MLIP: variants seen among roughly 807,000 people sequenced by gnomAD.
MLIP encodes muscular LMNA interacting protein, also known as muscular LMNA-interacting protein.
Under a neutral mutation model 84.8 loss-of-function variants are expected in MLIP, and 79 were observed. The observed-to-expected ratio is 0.93, with a 90% CI of 0.78 to 1.12. The LOEUF (loss-of-function observed/expected upper bound fraction) is 1.12. Among genes scored for constraint, MLIP ranks in the 50% most tolerant of loss-of-function variants. MLIP has a pLI of 0.00. For missense variants in MLIP, 1,257 were observed against 1,160.6 expected (o/e 1.08, Z -1.21); for synonymous variants, 504 against 463.0 (o/e 1.09, Z -1.14).
chr6:54,051,755 T>C (rs1765385186), intron 1 of MLIP, among the ~76,000 whole-genome samples: 1 of 152,170 alleles, frequency 6.6e-6, no homozygotes, highest in Non-Finnish European at 1.5e-5. Flanking sequence ...AAGATCTTGA[T>C]GGTCTTATCT....
chr6:54,160,783 G>A lies in MLIP; in HGVS notation c.2483G>A (p.Gly828Asp), dbSNP rs889820901. 1.2e-6 allele frequency: 2 copies of A among 1,605,056 alleles called. No individual in the cohort carries two copies. ...SPSRSPKTLL[G>D]SDTVKTPTTL... ...TCAAGGTCCCCAAAGACATTGTTGG[G>A]TTCTGACACAGTCAAAGTATGTATG... Residue 828 changes from glycine to aspartate, a missense_variant, in exon 8 of 14, where the codon GGT becomes GAT. Gly to Asp is a moderately conservative substitution (Grantham distance 94, BLOSUM62 -1). Transcript: ENST00000502396.
rs749252114 is a variant in MLIP at position 54,230,731 on chromosome 6, C to G, written c.2736C>G (p.Pro912=). The G allele has an allele frequency of 2.5e-6, 4 of 1,613,904 alleles. No homozygotes were observed. The South Asian group carries it at 4.4e-5, about 18-fold the overall frequency. Residue 912 remains proline, a synonymous_variant, in exon 12 of 14, where the codon CCC becomes CCG. Transcript: ENST00000502396. The part of the protein sequence containing the change: ...LFSEQDVTVP[P]KPVSLHPLYQ... ...CCCACCAGGATGTAACAGTCCCTCC[C>G]AAGCCTGTCTCGCTCCATCCTTTAT...
At chr6:54,042,715 C>G (rs1386466636) in intron 1 of MLIP, among the ~76,000 whole-genome samples, 2 of 152,122 alleles carry the variant, frequency 1.3e-5, no homozygotes, top group African/African-American at 4.8e-5. Flanking sequence ...CTATCATCAC[C>G]AGGGACAATA....
At chr6:54,100,420 A>G (rs571828626) in intron 1 of MLIP, among the ~76,000 whole-genome samples, 2 of 152,136 alleles carry the variant, frequency 1.3e-5, no homozygotes, top group East Asian at 3.9e-4. Flanking sequence ...ATCCTATGTT[A>G]CTGCTTTGTT....
intron 5 of MLIP, among the ~76,000 whole-genome samples, 170 bp downstream of exon 5, chr6:54,149,297 G>A (rs927175317): frequency 1.3e-5 from 2 of 152,104 alleles, no homozygotes; most frequent in African/African-American, 4.8e-5. Flanking sequence ...GAATATAATT[G>A]GAGATATTAT....
At chr6:54,036,871 C>T (rs1381079677) in intron 1 of MLIP, among the ~76,000 whole-genome samples, 2 of 151,906 alleles carry the variant, frequency 1.3e-5, no homozygotes, top group Admixed American at 6.6e-5. Flanking sequence ...GAAGTTGGGT[C>T]TCTGATATGT....
At chr6:54,072,747 G>A (rs1463020320) in intron 1 of MLIP, among the ~76,000 whole-genome samples, 1 of 152,166 alleles carries the variant, frequency 6.6e-6, no homozygotes, top group Non-Finnish European at 1.5e-5. Context: ...GTCTGAGTCT[G>A]TCATCAGAAA....
At chr6:54,243,245 A>C (rs1389076852) in intron 12 of MLIP, among the ~76,000 whole-genome samples, 1 of 152,174 alleles carries the variant, frequency 6.6e-6, no homozygotes, top group Non-Finnish European at 1.5e-5. Flanking sequence ...GCCTGAAAAG[A>C]AGTGAAGGCT....
Position 54,227,274 on chromosome 6 carries a change from C to CTCAGATAGT in MLIP, c.2719-3437_2719-3429dup, listed in dbSNP as rs1780640852. 3.3e-5 allele frequency among the ~76,000 whole-genome samples: 5 copies of CTCAGATAGT among 152,168 alleles called. No individual in the cohort carries two copies. The South Asian group carries it at 1.0e-3, about 32-fold the overall frequency. On this transcript the variant is annotated intron_variant, in intron 11 of 13. Transcript: ENST00000502396. ...CTCTTTCCTTTATAAATTACTGAGT[C>CTCAGATAGT]TCAGATAGTTCTTTATAGCAGTATG...
chr6:54,156,183 G>A (rs915328006), intron 5 of MLIP, among the ~76,000 whole-genome samples: 3 of 151,910 alleles, frequency 2.0e-5, no homozygotes, highest in Non-Finnish European at 4.4e-5. Context: ...GCTAGAAGTG[G>A]TGTATATCAC....
chr6:54,175,514 A>C (rs1427932658), intron 9 of MLIP, among the ~76,000 whole-genome samples: 1 of 151,962 alleles, frequency 6.6e-6, no homozygotes, highest in Non-Finnish European at 1.5e-5. Flanking sequence ...CTATTAATGT[A>C]CATGATAGTA....
At chr6:54,178,792 C>T (rs1183632203) in intron 9 of MLIP, among the ~76,000 whole-genome samples, 2 of 152,092 alleles carry the variant, frequency 1.3e-5, no homozygotes, top group Non-Finnish European at 2.9e-5. Flanking sequence ...TGTTTTAAGA[C>T]TTGTTTTGTG....
At chr6:54,099,273 A>G (rs1290532573) in intron 1 of MLIP, among the ~76,000 whole-genome samples, 1 of 152,184 alleles carries the variant, frequency 6.6e-6, no homozygotes, top group East Asian at 1.9e-4. Context: ...CCTTACTGAG[A>G]AAACTGAAAT....
chr6:54,070,086 G>A (rs968771108), intron 1 of MLIP, among the ~76,000 whole-genome samples: 2 of 152,084 alleles, frequency 1.3e-5, no homozygotes, highest in African/African-American at 2.4e-5. Context: ...GTTACTTTTA[G>A]GGGTAAAGCA....
rs531446584 is a variant in MLIP at position 54,035,269 on chromosome 6, G to A, written c.63+16178G>A. ...TTTGACTTAGCATCACTTCCTTAAA[G>A]TTAGTCCAAGTTGTGAGGATCCACA... is the stretch of plus-strand genomic sequence containing the variant. On this transcript the variant is annotated intron_variant, in intron 1 of 12. Coordinates refer to the MLIP transcript ENST00000274897. Among the ~76,000 whole-genome samples, 5 of 152,228 alleles carry A rather than the reference G, an allele frequency of 3.3e-5. No homozygotes were observed. The South Asian group carries it at 1.0e-3, about 32-fold the overall frequency.
rs967605729 is a variant in MLIP, at chr6:54,116,668, A to C, written c.97-4779A>C. On this transcript the variant is annotated intron_variant, in intron 1 of 13. Transcript: ENST00000502396. ...CTGCTGAATCCTACCAAACATTTAA[A>C]GAAGAACTAAGAACATTTCTCCTCT... Among the ~76,000 whole-genome samples, 4 of 152,350 alleles carry C rather than the reference A, an allele frequency of 2.6e-5. No homozygotes were observed. The South Asian group carries it at 8.3e-4, about 32-fold the overall frequency.
intron 5 of MLIP, among the ~76,000 whole-genome samples, chr6:54,151,663 T>C (rs1185139475): frequency 3.9e-5 from 6 of 152,274 alleles, no homozygotes; most frequent in African/African-American, 1.4e-4. Flanking sequence ...AAGCTGGAGC[T>C]AACAAAAATA....
At chr6:54,084,119 G>A (rs1767335563) in intron 1 of MLIP, among the ~76,000 whole-genome samples, 1 of 152,102 alleles carries the variant, frequency 6.6e-6, no homozygotes, top group African/African-American at 2.4e-5. Flanking sequence ...AATTACAGAA[G>A]CCACAGTTCT....
chr6:54,240,828 G>A (rs750023966), intron 12 of MLIP, among the ~76,000 whole-genome samples: 1 of 151,986 alleles, frequency 6.6e-6, no homozygotes, highest in Non-Finnish European at 1.5e-5. Context: ...TAGAAAAAAT[G>A]AGCTGGGCGT....
Sources: allele counts gnomAD v4.1 joint callset (sites outside exome capture counted in the v4.1 genomes callset), GRCh38; gene constraint gnomAD v4.1.1; transcripts MANE v1.5; gene names NCBI Gene and HGNC (gene_info 2026-07-23, HGNC 2026-07-21).